DHX32: variants seen among roughly 807,000 people sequenced by gnomAD.
DHX32 encodes the protein DEAH-box helicase 32 (putative).
DHX32 carries 51 observed loss-of-function variants against 70.0 expected under a neutral mutation model. The observed-to-expected ratio is 0.73, with a 90% CI of 0.58 to 0.92. The LOEUF (loss-of-function observed/expected upper bound fraction) is 0.92, where lower values mean the gene tolerates loss of function less well. Among genes scored for constraint, DHX32 ranks in the 40% least tolerant of loss-of-function variants. The pLI is 0.00. For missense variants in DHX32, 762 were observed against 891.8 expected (o/e 0.85, Z 1.85); for synonymous variants, 310 against 315.3 (o/e 0.98, Z 0.18).
chr10:125,836,835 TGTG>T lies in DHX32; in HGVS notation c.2081_2083del (p.Pro694del). ...AGGAGGCAGATTACTGAAATAGTAT[TGTG>T]GTACCAGCTGCATAAATCTGTTTAT... On this transcript the variant is annotated inframe_deletion, in exon 11 of 11. Transcript: ENST00000284690. 1 of 1,614,194 alleles carries T rather than the reference TGTG, an allele frequency of 6.2e-7. No homozygotes were observed. The highest frequency in any genetic ancestry group is 8.5e-7 in the Non-Finnish European group (1 of 1,180,014).
intron 2 of DHX32, among the ~76,000 whole-genome samples, chr10:125,861,265 A>G: frequency 6.6e-6 from 1 of 151,654 alleles, no homozygotes. Context: ...TGGGAGGCCG[A>G]GGCAGGCGGA....
chr10:125,896,304 C>G (rs72832615), exon 1 of DHX32: 11 of 122,954 alleles, frequency 8.9e-5, no homozygotes, highest in Non-Finnish European at 6.7e-5. Flanking sequence ...ACGGACGCCG[C>G]GGGTCGGCGA....
intron 3 of DHX32, among the ~76,000 whole-genome samples, chr10:125,857,570 C>CA (rs1944156550): frequency 6.6e-6 from 1 of 152,182 alleles, no homozygotes; most frequent in Admixed American, 6.5e-5. Context: ...AGCCTGCCTT[C>CA]AGGGGAAATT....
Position 125,893,198 on chromosome 10 carries a change from GGGCAGCAT to G in DHX32, c.-248+3012_-248+3019del, listed in dbSNP as rs1156552358. On this transcript the variant is annotated intron_variant, in intron 1 of 2. Transcript: ENST00000415732. ...ATCCTGAAAGACTTTCCAGAAACTG[GGGCAGCAT>G]GCTCCTGCAGTCCCATTTATTTATT... Among the ~76,000 whole-genome samples the G allele has an allele frequency of 2.6e-5, 4 of 152,234 alleles. No homozygotes were observed. The East Asian group carries it at 7.7e-4, about 29-fold the overall frequency.
In DHX32 at chr10:125,836,509, T is replaced by G. The variant is rs1564820879; in HGVS notation, c.*178A>C. 1 of 1,358,374 alleles carries G rather than the reference T, an allele frequency of 7.4e-7. No homozygotes were observed. The highest frequency in any genetic ancestry group is 9.6e-7 in the Non-Finnish European group (1 of 1,042,780). The allele number at this position is 1,358,374 out of a possible 1,614,324, so 84.1% of individuals were successfully genotyped here. A position where few individuals can be genotyped will look rare whatever the true frequency, so the allele number is the denominator to read the frequency against. On this transcript the variant is annotated 3_prime_UTR_variant, in exon 11 of 11. Transcript: ENST00000284690. ...AAGAAGAAAAGCATGGAGTAGTAAT[T>G]TAAAGAACTCAATAAAAACTTCTAT...
In DHX32 at chr10:125,880,533, G is replaced by T. The variant is rs1445055673; in HGVS notation, c.282+10C>A. ...CATACAGCAAATTATTTTTTGTAGT[G>T]GTTACTCACCTGAGCGCTCTTACCA... On this transcript the variant is annotated intron_variant, in intron 1 of 10. Coordinates refer to ENST00000284690, the MANE Select transcript of DHX32 (RefSeq NM_018180.3). The T allele has an allele frequency of 1.3e-6, 2 of 1,565,876 alleles. No individual in the cohort carries two copies. Among genetic ancestry groups the T allele is most frequent in the East Asian group, 2.3e-5 (1 of 44,198 alleles).
intron 3 of DHX32, 144 bp from the exon 4 acceptor site, chr10:125,854,347 T>C: frequency 1.5e-6 from 1 of 674,016 alleles, no homozygotes; most frequent in South Asian, 3.6e-5. Context: ...TACATGTATC[T>C]TTAAATAAGT....
chr10:125,851,443 C>G (rs772959089), intron 6 of DHX32, among the ~76,000 whole-genome samples: 6 of 152,064 alleles, frequency 3.9e-5, no homozygotes, highest in Non-Finnish European at 8.8e-5. Context: ...CATCACCAAG[C>G]CTTCCTTTTC....
chr10:125,889,843 T>G (rs1944359503), intron 1 of DHX32, among the ~76,000 whole-genome samples: 1 of 152,300 alleles, frequency 6.6e-6, no homozygotes, highest in African/African-American at 2.4e-5. Context: ...ATTTAAACTC[T>G]TAAGGACCCC....
At chr10:125,849,471 CTT>C (rs974572966) in intron 6 of DHX32, among the ~76,000 whole-genome samples, 15 of 152,204 alleles carry the variant, frequency 9.9e-5, no homozygotes, top group African/African-American at 3.6e-4. Context: ...GTTTGCGTCT[CTT>C]TTTCACACCC....
chr10:125,859,973 T>C lies in DHX32; in HGVS notation c.479A>G (p.Tyr160Cys). The C allele has an allele frequency of 1.3e-6, 2 of 1,549,538 alleles. No homozygotes were observed. Among genetic ancestry groups the C allele is most frequent in the Non-Finnish European group, 1.7e-6 (2 of 1,152,894 alleles). Residue 160 changes from tyrosine to cysteine, a missense_variant and splice_region_variant, in exon 3 of 11, where the codon TAT becomes TGT. By Grantham distance (194) the Tyr-to-Cys change is radical. Coordinates refer to ENST00000284690, the MANE Select transcript of DHX32 (RefSeq NM_018180.3). ...NCCTNETILR[Y>C]CTDDMLQREM... The stretch of plus-strand genomic sequence containing the variant: ...TCTTTGCAGCATATCATCAGTACAA[T>C]ACCTATAAAGAAGAAACATTAAAGT...
chr10:125,842,178 C>T (rs993616313), intron 6 of DHX32: 11 of 455,398 alleles, frequency 2.4e-5, no homozygotes, highest in East Asian at 1.4e-4. Context: ...AGTGTGCATG[C>T]GGGGGGAACC....
In DHX32 at chr10:125,881,131, A is replaced by G. The variant is rs1944314715; in HGVS notation, c.-307T>C. On this transcript the variant is annotated 5_prime_UTR_variant, in exon 1 of 11. Transcript: ENST00000284690. ...TTAGGAACACATATAAGTTAAAAAG[A>G]AAATGCACAGGAGTTCAAATGAAAA... The G allele has an allele frequency of 3.7e-6, 1 of 271,530 alleles. No individual in the cohort carries two copies. The highest frequency in any genetic ancestry group is 6.8e-6 in the Non-Finnish European group (1 of 146,850). 16.8% of individuals were successfully genotyped at this position (271,530 alleles called of 1,614,324 possible).
At chr10:125,850,512 C>G (rs1481052129) in intron 6 of DHX32, among the ~76,000 whole-genome samples, 2 of 152,062 alleles carry the variant, frequency 1.3e-5, no homozygotes, top group African/African-American at 4.8e-5. Flanking sequence ...CATGCACTAC[C>G]ATGCCCGGCT....
rs1461873493 is a variant in DHX32 at position 125,853,945 on chromosome 10, A to G, written c.1092+16T>C. 1 of 1,611,652 alleles carries G rather than the reference A, an allele frequency of 6.2e-7. No individual in the cohort carries two copies. The highest frequency in any genetic ancestry group is 8.5e-7 in the Non-Finnish European group (1 of 1,179,096). On this transcript the variant is annotated intron_variant, in intron 4 of 10. Coordinates refer to ENST00000284690, the MANE Select transcript of DHX32 (RefSeq NM_018180.3). ...CAACGATCAGCAGTCTGTTTAGCCTACTCAATAATAATTACCTTTCTTCTT... is the reference window on the plus strand; with the variant it reads ...CAACGATCAGCAGTCTGTTTAGCCTGCTCAATAATAATTACCTTTCTTCTT...
At chr10:125,842,163 G>A in intron 6 of DHX32, 1 of 548,786 alleles carries the variant, frequency 1.8e-6, no homozygotes, top group Non-Finnish European at 2.9e-6. Flanking sequence ...GAGGGTCCCA[G>A]CTGCAGTGTG....
intron 6 of DHX32, among the ~76,000 whole-genome samples, chr10:125,847,221 C>A (rs1460684951): frequency 2.6e-5 from 4 of 151,962 alleles, no homozygotes; most frequent in Non-Finnish European, 5.9e-5. Flanking sequence ...ACTGCCAGTT[C>A]CATACCATGG....
intron 1 of DHX32, among the ~76,000 whole-genome samples, chr10:125,871,862 C>CTTTTTT (rs367881568): frequency 7.6e-6 from 1 of 131,258 alleles, no homozygotes; most frequent in Non-Finnish European, 1.6e-5. Context: ...TGCTTCTTTT[C>CTTTTTT]TTTTTTTTTT....
intron 1 of DHX32, among the ~76,000 whole-genome samples, chr10:125,877,383 C>T (rs905973892): frequency 6.6e-6 from 1 of 151,890 alleles, no homozygotes; most frequent in Non-Finnish European, 1.5e-5. Context: ...TTTCAAATTA[C>T]CTTTAAAGTA....
Sources: allele counts gnomAD v4.1 joint callset (sites outside exome capture counted in the v4.1 genomes callset), GRCh38; gene constraint gnomAD v4.1.1; transcripts MANE v1.5; gene names NCBI Gene and HGNC (gene_info 2026-07-23, HGNC 2026-07-21).